DIP2C: variants seen among roughly 807,000 people sequenced by gnomAD.
DIP2C encodes disco-interacting protein 2 homolog C.
A neutral mutation model predicts 192.4 loss-of-function variants in DIP2C; 33 were observed. That is an observed-to-expected ratio of 0.17 (90% CI 0.13 to 0.23). The LOEUF is 0.23. Ranked by LOEUF, DIP2C falls within the 10% of genes least tolerant of loss-of-function variation. DIP2C has a pLI of 1.00. For synonymous variants in DIP2C, 979 were observed against 864.1 expected, an observed-to-expected ratio of 1.13 and a Z score of -2.33; for missense variants, 1,537 against 2,110.1, an observed-to-expected ratio of 0.73 and a Z score of 5.32.
At chr10:505,289 T>TAC (rs1845518520) in intron 1 of DIP2C, among the ~76,000 whole-genome samples, 1 of 151,744 alleles carries the variant, frequency 6.6e-6, no homozygotes, top group South Asian at 2.1e-4. Context: ...TATACAGATA[T>TAC]ACACGCAGGA....
chr10:321,190 T>C (rs1191133497), intron 31 of DIP2C, among the ~76,000 whole-genome samples: 1 of 152,216 alleles, frequency 6.6e-6, no homozygotes, highest in East Asian at 1.9e-4. Context: ...GTGTCAGGTA[T>C]GTTCTAAAAA....
chr10:688,641 A>G lies in DIP2C; in HGVS notation c.85+853T>C, dbSNP rs548750860. On this transcript the variant is annotated intron_variant, in intron 1 of 36. Transcript: ENST00000280886. ...CGGCTAAATGCACATCAAACATTTC[A>G]GATTTGGGAACTTCAGTGGTTTTGG... 3.1e-4 allele frequency among the ~76,000 whole-genome samples: 46 copies of G among 149,466 alleles called. No homozygotes were observed. In the South Asian group the frequency reaches 7.7e-3, roughly 25 times the overall value.
chr10:478,965 C>G (rs887228419), intron 2 of DIP2C, among the ~76,000 whole-genome samples: 6 of 152,118 alleles, frequency 3.9e-5, no homozygotes, highest in Non-Finnish European at 7.4e-5. Context: ...CCCCAGCACC[C>G]AGGGGCAAGC....
At chr10:356,643 G>T in intron 23 of DIP2C, 137 bp from the exon 24 acceptor site, 1 of 651,996 alleles carries the variant, frequency 1.5e-6, no homozygotes, top group South Asian at 2.0e-5. Flanking sequence ...TCTCTGCAGG[G>T]AGTTGAAGAC....
intron 29 of DIP2C, among the ~76,000 whole-genome samples, chr10:331,479 A>T (rs940334005): frequency 6.6e-6 from 1 of 152,238 alleles, no homozygotes; most frequent in African/African-American, 2.4e-5. Context: ...TGAATCAAAG[A>T]TATTCATGAA....
At chr10:468,069 C>T (rs566126006) in intron 3 of DIP2C, among the ~76,000 whole-genome samples, 17 of 152,270 alleles carry the variant, frequency 1.1e-4, no homozygotes, top group Admixed American at 6.5e-5. Context: ...ACAGCCCTTT[C>T]CTTGTGAATG....
chr10:577,163 T>C (rs1305977810), intron 1 of DIP2C, among the ~76,000 whole-genome samples: 1 of 152,202 alleles, frequency 6.6e-6, no homozygotes, highest in Non-Finnish European at 1.5e-5. Context: ...TGCATCCTAC[T>C]GCAATTAATC....
At chr10:356,328 G>A (rs766819025) in intron 24 of DIP2C, 98 bp downstream of exon 24, 2 of 1,351,718 alleles carry the variant, frequency 1.5e-6, no homozygotes, top group Non-Finnish European at 2.1e-6. Context: ...CCATAAGACT[G>A]AAGCAAAAGG....
chr10:496,689 C>T (rs1290392436), intron 1 of DIP2C, among the ~76,000 whole-genome samples: 2 of 151,926 alleles, frequency 1.3e-5, no homozygotes, highest in Non-Finnish European at 2.9e-5. Context: ...CTACATTACT[C>T]GCAATACCCC....
chr10:358,902 G>A (rs912822269), intron 22 of DIP2C, among the ~76,000 whole-genome samples: 2 of 151,692 alleles, frequency 1.3e-5, no homozygotes, highest in African/African-American at 4.8e-5. Flanking sequence ...AAGAATTGCA[G>A]GTAAAATAAC....
At chr10:654,464 G>A (rs545726695) in intron 1 of DIP2C, among the ~76,000 whole-genome samples, 5 of 152,292 alleles carry the variant, frequency 3.3e-5, no homozygotes, top group South Asian at 4.1e-4. Flanking sequence ...TATTTATAGC[G>A]TGGAGGGCAC....
chr10:584,890 T>C, intron 1 of DIP2C, among the ~76,000 whole-genome samples: 1 of 114,902 alleles, frequency 8.7e-6, no homozygotes. Context: ...CTCATGCGCA[T>C]CACCTCTCAA....
intron 2 of DIP2C, among the ~76,000 whole-genome samples, chr10:483,821 A>C (rs1843799712): frequency 6.6e-6 from 1 of 151,126 alleles, no homozygotes; most frequent in East Asian, 1.9e-4. Context: ...TCATTTTACC[A>C]ATTTTTTTTT....
At chr10:413,840 ACT>A (rs2133094793) in intron 8 of DIP2C, 71 bp downstream of exon 8, 4 of 1,548,636 alleles carry the variant, frequency 2.6e-6, no homozygotes, top group South Asian at 1.2e-5. Flanking sequence ...GTAAACGGAC[ACT>A]GAGTTTCCTG....
chr10:275,614 C>T lies in DIP2C; in HGVS notation c.*1711G>A, dbSNP rs1954474758. On this transcript the variant is annotated 3_prime_UTR_variant, in exon 37 of 37. Transcript: ENST00000280886. ...CCACAACATAATGAAAGATCATCTA[C>T]ATTTTGCCCAGCATCAATCTTAGTC... is the stretch of plus-strand genomic sequence containing the variant. 6.6e-6 allele frequency: 1 copy of T among 152,040 alleles called. No individual in the cohort carries two copies. Among genetic ancestry groups the T allele is most frequent in the South Asian group, 2.1e-4 (1 of 4,800 alleles). The allele number at this position is 152,040 out of a possible 1,614,324, so 9.4% of individuals were successfully genotyped here.
intron 10 of DIP2C, among the ~76,000 whole-genome samples, chr10:395,713 T>C (rs1163923860): frequency 6.6e-6 from 1 of 152,208 alleles, no homozygotes; most frequent in Non-Finnish European, 1.5e-5. Context: ...CCCTTTCTTC[T>C]GAGAGGGGTT....
At chr10:341,139 A>C in intron 29 of DIP2C, 60 bp downstream of exon 29, 1 of 1,609,434 alleles carries the variant, frequency 6.2e-7, no homozygotes, top group Admixed American at 1.7e-5. Flanking sequence ...GCTGGGTCTA[A>C]GGTCTGGAGA....
At chr10:304,647 T>C (rs1564529180) in intron 32 of DIP2C, among the ~76,000 whole-genome samples, 1 of 152,040 alleles carries the variant, frequency 6.6e-6, no homozygotes, top group African/African-American at 2.4e-5. Flanking sequence ...TAAGACTCAG[T>C]GTGCATGTGC....
At chr10:357,760 T>G (rs1418248672) in intron 23 of DIP2C, 68 bp downstream of exon 23, 7 of 1,227,000 alleles carry the variant, frequency 5.7e-6, no homozygotes, top group Non-Finnish European at 8.3e-6. Flanking sequence ...TCGGGGATGG[T>G]CGCAGATGGT....
Sources: gnomAD v4.1 joint callset for allele counts (sites outside exome capture counted in the v4.1 genomes callset) on GRCh38, gnomAD v4.1.1 for gene constraint, MANE v1.5 for transcripts, NCBI Gene and HGNC (gene_info 2026-07-23, HGNC 2026-07-21) for gene names.